Variants in LOXHD1 observed in about 807,000 individuals in gnomAD.
The protein encoded by LOXHD1 is lipoxygenase homology PLAT domains 1.
LOXHD1 carries 205 observed loss-of-function variants against 248.2 expected under a neutral mutation model. The observed-to-expected ratio is 0.83, with a 90% CI of 0.74 to 0.93. The LOEUF (loss-of-function observed/expected upper bound fraction) is 0.93. Among genes scored for constraint, LOXHD1 ranks in the 40% least tolerant of loss-of-function variants. The pLI is 0.00. For synonymous variants in LOXHD1, 1,113 were observed against 1,162.8 expected, an observed-to-expected ratio of 0.96 and a Z score of 0.87; for missense variants, 2,930 against 2,971.6, an observed-to-expected ratio of 0.99 and a Z score of 0.33.
At chr18:46,631,819 T>C (rs1416941888) in intron 4 of LOXHD1, among the ~76,000 whole-genome samples, 1 of 152,198 alleles carries the variant, frequency 6.6e-6, no homozygotes, top group East Asian at 1.9e-4. Flanking sequence ...GAAACAGCTG[T>C]CGGCTGTCCG....
At chr18:46,551,580 A>T (rs1412806015) in intron 21 of LOXHD1, among the ~76,000 whole-genome samples, 1 of 151,900 alleles carries the variant, frequency 6.6e-6, no homozygotes, top group East Asian at 1.9e-4. Context: ...CACTATTAAT[A>T]AAAAAAATCA....
chr18:46,520,967 C>G (rs1366564633), intron 33 of LOXHD1, 130 bp downstream of exon 33: 1 of 1,108,344 alleles, frequency 9.0e-7, no homozygotes, highest in Non-Finnish European at 1.3e-6. Context: ...GCTAGCACAC[C>G]AGGCTGCAGC....
intron 1 of LOXHD1, among the ~76,000 whole-genome samples, chr18:46,649,618 A>G (rs8093186): frequency 0.12 from 18,445 of 152,088 alleles, 1,736 homozygotes; most frequent in East Asian, 0.35. Context: ...GGCCTTCTTC[A>G]GAGCCTGCAC....
At chr18:46,652,970 G>A (rs970911166) in intron 1 of LOXHD1, among the ~76,000 whole-genome samples, 2 of 152,214 alleles carry the variant, frequency 1.3e-5, no homozygotes, top group African/African-American at 4.8e-5. Flanking sequence ...TTCAAGAACA[G>A]GCCAGGAGCA....
In LOXHD1 at chr18:46,629,894, T is replaced by G. The variant is rs60848895; in HGVS notation, c.511+9722A>C. Among the ~76,000 whole-genome samples the G allele has an allele frequency of 6.1e-3, 923 of 152,098 alleles. 12 individuals carry two copies. The highest frequency in any genetic ancestry group is 0.021 in the African/African-American group (885 of 41,498). ...AACGTCATCCACCCCTCCCACCACC[T>G]GCATGCGCCCAGCCCACCTGCCCAA... On this transcript the variant is annotated intron_variant, in intron 4 of 40. Transcript: ENST00000642948.
chr18:46,561,983 A>C (rs1326435488), intron 18 of LOXHD1, among the ~76,000 whole-genome samples: 1 of 152,226 alleles, frequency 6.6e-6, no homozygotes, highest in African/African-American at 2.4e-5. Flanking sequence ...GGCATCCAGA[A>C]GACACGCTAT....
At chr18:46,542,484 C>A (rs1451527948) in intron 24 of LOXHD1, among the ~76,000 whole-genome samples, 1 of 152,124 alleles carries the variant, frequency 6.6e-6, no homozygotes, top group Non-Finnish European at 1.5e-5. Context: ...ATTACCGACA[C>A]TGGGGTTGAT....
intron 28 of LOXHD1, among the ~76,000 whole-genome samples, chr18:46,530,537 G>T (rs1012653083): frequency 6.6e-6 from 1 of 152,124 alleles, no homozygotes; most frequent in Non-Finnish European, 1.5e-5. Context: ...TGGACTAAGG[G>T]CCAGGCCTCT....
At chr18:46,558,805 A>G (rs2037439740) in intron 20 of LOXHD1, among the ~76,000 whole-genome samples, 1 of 152,054 alleles carries the variant, frequency 6.6e-6, no homozygotes, top group African/African-American at 2.4e-5. Context: ...AGGTATGTGT[A>G]TTTCTTTTCA....
At chr18:46,585,391 C>G (rs1316118264) in intron 12 of LOXHD1, among the ~76,000 whole-genome samples, 1 of 152,094 alleles carries the variant, frequency 6.6e-6, no homozygotes, top group African/African-American at 2.4e-5. Context: ...TATTTCTATT[C>G]TTTTGCAATG....
At chr18:46,624,137 G>C (rs143323388) in intron 4 of LOXHD1, among the ~76,000 whole-genome samples, 125 of 152,320 alleles carry the variant, frequency 8.2e-4, no homozygotes, top group African/African-American at 2.8e-3. Flanking sequence ...TAGCAGGTGA[G>C]GGTGAGGAGG....
chr18:46,655,562 T>C (rs1001055595), intron 1 of LOXHD1, among the ~76,000 whole-genome samples: 3 of 152,140 alleles, frequency 2.0e-5, no homozygotes, highest in African/African-American at 7.2e-5. Context: ...GGTCAGAGCT[T>C]GAGGCACATG....
chr18:46,592,112 G>T, intron 11 of LOXHD1, 44 bp from the exon 12 acceptor site: 1 of 1,551,606 alleles, frequency 6.4e-7, no homozygotes, highest in Non-Finnish European at 8.7e-7. Flanking sequence ...CACCAGGGAT[G>T]TTCACCGATG....
intron 4 of LOXHD1, among the ~76,000 whole-genome samples, chr18:46,624,979 A>G (rs1483283002): frequency 6.6e-6 from 1 of 152,082 alleles, no homozygotes; most frequent in Admixed American, 6.5e-5. Flanking sequence ...CTTCTATCAC[A>G]TCGTTTAATC....
chr18:46,495,003 G>C (rs2033760041), intron 37 of LOXHD1, among the ~76,000 whole-genome samples: 1 of 151,806 alleles, frequency 6.6e-6, no homozygotes, highest in Non-Finnish European at 1.5e-5. Flanking sequence ...ACAGGCGCCC[G>C]CCACTGCGCC....
chr18:46,559,752 C>T, intron 19 of LOXHD1, 150 bp from the exon 20 acceptor site: 1 of 928,426 alleles, frequency 1.1e-6, no homozygotes, highest in Non-Finnish European at 1.6e-6. Context: ...GCCCACACTC[C>T]CAACCCAAGA....
chr18:46,599,372 T>C (rs2038302731), intron 8 of LOXHD1, among the ~76,000 whole-genome samples: 1 of 152,102 alleles, frequency 6.6e-6, no homozygotes, highest in Admixed American at 6.5e-5. Flanking sequence ...TTAAAAGCCC[T>C]TCAATAAATG....
At chr18:46,502,582 G>T (rs1000004454) in intron 37 of LOXHD1, among the ~76,000 whole-genome samples, 3 of 152,178 alleles carry the variant, frequency 2.0e-5, no homozygotes, top group African/African-American at 7.2e-5. Flanking sequence ...GGATCAGCCT[G>T]TGGAGTCCAG....
intron 4 of LOXHD1, among the ~76,000 whole-genome samples, chr18:46,627,348 C>T (rs1276925800): frequency 6.6e-6 from 1 of 152,114 alleles, no homozygotes; most frequent in East Asian, 1.9e-4. Flanking sequence ...TCACTGGGCT[C>T]ACACTGGCCA....
Sources: allele counts gnomAD v4.1 joint callset (sites outside exome capture counted in the v4.1 genomes callset), GRCh38; gene constraint gnomAD v4.1.1; transcripts MANE v1.5; gene names NCBI Gene and HGNC (gene_info 2026-07-23, HGNC 2026-07-21).